Variants in TAB1 observed in about 807,000 individuals in gnomAD.
The protein encoded by TAB1 is TGF-beta-activated kinase 1 and MAP3K7-binding protein 1.
TAB1 carries 30 observed loss-of-function variants against 54.5 expected under a neutral mutation model. That is an observed-to-expected ratio of 0.55 (90% confidence interval 0.41 to 0.75). TAB1 has a LOEUF of 0.75. Ranked by LOEUF, TAB1 falls within the 30% of genes least tolerant of loss-of-function variation. The pLI is 0.00. For missense variants in TAB1, 609 were observed against 683.2 expected (o/e 0.89, Z 1.21); for synonymous variants, 289 against 286.9 (o/e 1.01, Z -0.07).
chr22:39,427,919 C>A, intron 9 of TAB1, 102 bp from the exon 10 acceptor site: 1 of 1,205,972 alleles, frequency 8.3e-7, no homozygotes, highest in Non-Finnish European at 1.1e-6. Context: ...CCACACTCAG[C>A]CCTCAGGCAC....
chr22:39,420,417 C>T (rs185485360), intron 7 of TAB1, among the ~76,000 whole-genome samples: 12 of 152,276 alleles, frequency 7.9e-5, no homozygotes, highest in Non-Finnish European at 1.5e-4. Context: ...GAGATAGGCG[C>T]GTCCACTTGC....
chr22:39,436,734 G>A, downstream of TAB1: 2 of 613,602 alleles, frequency 3.3e-6, no homozygotes, highest in Non-Finnish European at 5.8e-6. Context: ...TGTCCACTGA[G>A]GCTTCCCTCA....
In TAB1 at chr22:39,415,386, G is replaced by A; in HGVS notation, c.171-114G>A. ...GGCTAAAGCAGGGGGACCCAGGAGG[G>A]CCCCTGAAGCTGCAGCTGCTGTCGC... is the stretch of plus-strand genomic sequence containing the variant. On this transcript the variant is annotated intron_variant, in intron 2 of 10. Coordinates refer to ENST00000216160, the MANE Select transcript of TAB1 (RefSeq NM_006116.3). The surrounding 1 kb of genome is among the most constrained non-coding windows in gnomAD (Gnocchi z 4.9). The A allele has an allele frequency of 7.6e-7, 1 of 1,311,692 alleles. No individual in the cohort carries two copies. 81.3% of individuals were successfully genotyped at this position (1,311,692 alleles called of 1,614,324 possible).
intron 7 of TAB1, 69 bp downstream of exon 7, chr22:39,419,699 G>C (rs1476279055): frequency 1.8e-6 from 2 of 1,130,296 alleles, no homozygotes; most frequent in East Asian, 5.1e-5. Context: ...AAGATGGGAG[G>C]ATTGATTGTG....
At chr22:39,425,020 G>T (rs944199586) in intron 8 of TAB1, among the ~76,000 whole-genome samples, 18 of 152,100 alleles carry the variant, frequency 1.2e-4, no homozygotes, top group Non-Finnish European at 2.4e-4. Flanking sequence ...AGTGGGAACT[G>T]TGCTCCCATA....
chr22:39,420,644 T>C (rs1430364443), intron 7 of TAB1, among the ~76,000 whole-genome samples: 1 of 152,184 alleles, frequency 6.6e-6, no homozygotes, highest in Non-Finnish European at 1.5e-5. Flanking sequence ...CAGACAGTGC[T>C]GGGGTCTATA....
At chr22:39,421,662 C>T (rs990221934) in intron 7 of TAB1, 165 bp from the exon 8 acceptor site, 47 of 738,502 alleles carry the variant, frequency 6.4e-5, no homozygotes, top group Non-Finnish European at 9.5e-5. Flanking sequence ...TGCTGTAAGA[C>T]GATGGGTCTA....
At position 39,430,729 on chromosome 22, in the gene TAB1, C is replaced by T; in HGVS notation, c.*507C>T. On this transcript the variant is annotated 3_prime_UTR_variant, in exon 11 of 11. Coordinates refer to ENST00000216160, the MANE Select transcript of TAB1 (RefSeq NM_006116.3). Reference sequence around the variant, plus strand: ...GTGGAACCCAGGCTGGTGTCCGCATCTGTCCCTGGGCCCCACCCCTGGACC... The same window carrying T: ...GTGGAACCCAGGCTGGTGTCCGCATTTGTCCCTGGGCCCCACCCCTGGACC... 1 of 1,024,436 alleles carries T rather than the reference C, an allele frequency of 9.8e-7. No individual in the cohort carries two copies. Among genetic ancestry groups the T allele is most frequent in the Admixed American group, 5.0e-5 (1 of 20,116 alleles). The allele number at this position is 1,024,436 out of a possible 1,614,324, so 63.5% of individuals were successfully genotyped here. A position where few individuals can be genotyped will look rare whatever the true frequency, so the allele number is the denominator to read the frequency against.
chr22:39,418,912 G>T, intron 6 of TAB1, 67 bp downstream of exon 6: 14 of 1,293,014 alleles, frequency 1.1e-5, no homozygotes, highest in Middle Eastern at 2.0e-4. Context: ...CTTTGGTGGT[G>T]GGGTAGAGAG....
Position 39,415,472 on chromosome 22 carries a change from G to A in TAB1, c.171-28G>A. 1 of 1,603,860 alleles carries A rather than the reference G, an allele frequency of 6.2e-7. No homozygotes were observed. Among genetic ancestry groups the A allele is most frequent in the African/African-American group, 1.3e-5 (1 of 74,836 alleles). On this transcript the variant is annotated intron_variant, in intron 2 of 10. Transcript: ENST00000216160. This position sits in a 1 kb window ranked among gnomAD's most constrained non-coding sequence, Gnocchi z 4.9. Reference sequence around the variant, plus strand: ...CACCTCCGTGAGACCCTGGTCTCAGGCCTCCCTCTGCCCTCTCCCTCTTCC... The same window carrying A: ...CACCTCCGTGAGACCCTGGTCTCAGACCTCCCTCTGCCCTCTCCCTCTTCC...
At chr22:39,414,921 G>T in intron 1 of TAB1, 85 bp from the exon 2 acceptor site, 2 of 1,557,410 alleles carry the variant, frequency 1.3e-6, no homozygotes, top group Non-Finnish European at 8.8e-7. Flanking sequence ...GGCCTGCTAG[G>T]TTTTTGTTGC....
At chr22:39,436,708 C>CTCCCTCATGCATCTGTGTCCACTGAGGCT, downstream of TAB1, 1 of 665,300 alleles carries the variant, frequency 1.5e-6, no homozygotes, top group South Asian at 1.8e-5. Flanking sequence ...GGCAGACCCC[C>CTCCCTCATGCATCTGTGTCCACTGAGGCT]TCCCTCATGC....
chr22:39,425,882 T>TA, intron 8 of TAB1, among the ~76,000 whole-genome samples: 1 of 151,490 alleles, frequency 6.6e-6, no homozygotes. Flanking sequence ...TCTTTTTTTT[T>TA]TTTTTTTTGA....
At chr22:39,418,594 C>T in intron 5 of TAB1, 138 bp from the exon 6 acceptor site, 3 of 642,116 alleles carry the variant, frequency 4.7e-6, no homozygotes, top group Non-Finnish European at 8.6e-6. Flanking sequence ...GGTGACTCAC[C>T]CCGTTGGTCT....
chr22:39,424,238 A>G (rs1020821172), intron 8 of TAB1, among the ~76,000 whole-genome samples: 4 of 152,194 alleles, frequency 2.6e-5, no homozygotes, highest in Non-Finnish European at 4.4e-5. Flanking sequence ...TTATCTGCTC[A>G]TTAGTCAATG....
intron 10 of TAB1, 27 bp from the exon 11 acceptor site, chr22:39,429,988 T>C: frequency 6.2e-7 from 1 of 1,610,352 alleles, no homozygotes; most frequent in Non-Finnish European, 8.5e-7. Context: ...CTGCTTCTGA[T>C]TGACTCCCTC....
At chr22:39,424,412 A>C (rs1007519411) in intron 8 of TAB1, among the ~76,000 whole-genome samples, 3 of 146,064 alleles carry the variant, frequency 2.1e-5, no homozygotes, top group African/African-American at 7.7e-5. Context: ...GTGCCTAACT[A>C]TCCCCTGTTC....
downstream of TAB1, among the ~76,000 whole-genome samples, chr22:39,435,449 G>T (rs1308422828): frequency 6.6e-6 from 1 of 152,062 alleles, no homozygotes; most frequent in African/African-American, 2.4e-5. Context: ...CACTCCCGCG[G>T]CCCTCACCCA....
At position 39,430,357 on chromosome 22, in the gene TAB1, C is replaced by A; in HGVS notation, c.*135C>A. The A allele has an allele frequency of 2.1e-5, 32 of 1,495,698 alleles. No individual in the cohort carries two copies. Among genetic ancestry groups the A allele is most frequent in the Non-Finnish European group, 2.3e-5 (26 of 1,124,024 alleles). 92.7% of individuals were successfully genotyped at this position (1,495,698 alleles called of 1,614,324 possible). A position where few individuals can be genotyped will look rare whatever the true frequency, so the allele number is the denominator to read the frequency against. On this transcript the variant is annotated 3_prime_UTR_variant, in exon 11 of 11. Coordinates refer to ENST00000216160, the MANE Select transcript of TAB1 (RefSeq NM_006116.3). ...GCCCACAGCAGACTCTGTCCCATGG[C>A]TCTCCGGGCAGTAGAGTGTGTGAGT...
Sources: gnomAD v4.1 joint callset for allele counts (sites outside exome capture counted in the v4.1 genomes callset) on GRCh38, gnomAD v4.1.1 for gene constraint, Gnocchi (gnomAD v3.1) non-coding constraint, MANE v1.5 for transcripts, NCBI Gene and HGNC (gene_info 2026-07-23, HGNC 2026-07-21) for gene names.